The following ARMH3 variants were observed in gnomAD, a reference collection of about 807,000 sequenced individuals.
The protein encoded by ARMH3 is armadillo-like helical domain-containing protein 3.
In ARMH3, 60 loss-of-function variants were observed where a neutral mutation model predicts 99.1. The ratio of observed to expected loss-of-function variants is 0.61; its 90% CI spans 0.49 to 0.75. The LOEUF (loss-of-function observed/expected upper bound fraction) is 0.75. Among genes scored for constraint, ARMH3 ranks in the 30% least tolerant of loss-of-function variants. The pLI is 0.00. For synonymous variants in ARMH3, 285 were observed against 292.8 expected (o/e 0.97, Z 0.27); for missense variants, 679 against 843.1 (o/e 0.81, Z 2.41).
intron 22 of ARMH3, among the ~76,000 whole-genome samples, chr10:101,941,660 C>T (rs931359517): frequency 6.6e-6 from 1 of 152,092 alleles, no homozygotes; most frequent in African/African-American, 2.4e-5. Context: ...ATCAACAGTG[C>T]TGCTTTTTTA....
intron 23 of ARMH3, among the ~76,000 whole-genome samples, chr10:101,922,891 GA>G (rs1843358428): frequency 6.6e-6 from 1 of 152,146 alleles, no homozygotes; most frequent in African/African-American, 2.4e-5. Context: ...GCTTCCTTGA[GA>G]TTGAGAATTT....
chr10:101,940,635 T>C (rs1844199015), intron 22 of ARMH3, among the ~76,000 whole-genome samples: 1 of 152,128 alleles, frequency 6.6e-6, no homozygotes. Flanking sequence ...CGGTGTGTGA[T>C]GTTCCCCACC....
At chr10:101,976,406 TCTCTCTCA>T (rs1259737320) in intron 19 of ARMH3, among the ~76,000 whole-genome samples, 251 of 129,098 alleles carry the variant, frequency 1.9e-3, no homozygotes, top group South Asian at 4.3e-3. Flanking sequence ...TCTCTCTCTC[TCTCTCTCA>T]CACACACACA....
chr10:101,871,767 G>A lies in ARMH3; in HGVS notation c.1860+17645C>T, dbSNP rs1194181384. ...TGTAATCCCAGCACTTTGGGAGGCC[G>A]AGGTGGGTGGAACACTTGAGGCCAG... On this transcript the variant is annotated intron_variant, in intron 24 of 25. Coordinates refer to ENST00000370033, the MANE Select transcript of ARMH3 (RefSeq NM_024541.3). Among the ~76,000 whole-genome samples, 5 of 151,954 alleles carry A rather than the reference G, an allele frequency of 3.3e-5. No homozygotes were observed. The South Asian group carries it at 6.3e-4, about 19-fold the overall frequency.
chr10:101,891,691 G>A (rs1215768735), intron 23 of ARMH3, among the ~76,000 whole-genome samples: 1 of 152,202 alleles, frequency 6.6e-6, no homozygotes, highest in Non-Finnish European at 1.5e-5. Context: ...ACTTAGTGTT[G>A]ATACATGTAC....
intron 23 of ARMH3, among the ~76,000 whole-genome samples, chr10:101,914,588 G>T (rs1842998751): frequency 6.6e-6 from 1 of 151,566 alleles, no homozygotes; most frequent in Non-Finnish European, 1.5e-5. Context: ...AAAATGGGCT[G>T]GGTGCGGTGG....
At chr10:101,875,489 C>T (rs2067238535) in intron 24 of ARMH3, among the ~76,000 whole-genome samples, 1 of 152,190 alleles carries the variant, frequency 6.6e-6, no homozygotes, top group African/African-American at 2.4e-5. Context: ...TATACAGCCA[C>T]CCTGTATATA....
intron 15 of ARMH3, among the ~76,000 whole-genome samples, chr10:101,996,025 T>A (rs2136032580): frequency 6.6e-6 from 1 of 152,296 alleles, no homozygotes; most frequent in Non-Finnish European, 1.5e-5. Context: ...ACAACTCACA[T>A]TCTAGTTATT....
intron 23 of ARMH3, among the ~76,000 whole-genome samples, chr10:101,900,539 T>C (rs532913725): frequency 5.9e-5 from 9 of 152,334 alleles, no homozygotes; most frequent in Admixed American, 5.9e-4. Flanking sequence ...TTTTAAAAAC[T>C]GGCATGAGAC....
chr10:101,878,457 T>C (rs1199344133), intron 24 of ARMH3, among the ~76,000 whole-genome samples: 1 of 150,322 alleles, frequency 6.7e-6, no homozygotes, highest in Non-Finnish European at 1.5e-5. Flanking sequence ...CTGGGCAACA[T>C]AGTAAGACCC....
intron 22 of ARMH3, among the ~76,000 whole-genome samples, chr10:101,947,312 G>A (rs1443348828): frequency 2.0e-5 from 3 of 152,108 alleles, no homozygotes; most frequent in Admixed American, 6.6e-5. Flanking sequence ...TAGCTTCAAA[G>A]TACTTAAAGA....
Position 101,993,743 on chromosome 10 carries a change from C to G in ARMH3, c.1210-140G>C, listed in dbSNP as rs567400298. ...ACAGCTAATAGGATGAGCCTAGAGC[C>G]TTATGTCAAACCCTACTTAAGCCAT... On this transcript the variant is annotated intron_variant, in intron 16 of 25. Transcript: ENST00000370033. 1.4e-3 allele frequency: 710 copies of G among 521,996 alleles called. 13 individuals carry two copies. In the South Asian group the frequency reaches 0.017, roughly 12 times the overall value. 32.3% of individuals were successfully genotyped at this position (521,996 alleles called of 1,614,324 possible).
intron 4 of ARMH3, among the ~76,000 whole-genome samples, chr10:102,031,851 A>G (rs998390809): frequency 6.6e-6 from 1 of 151,692 alleles, no homozygotes; most frequent in Non-Finnish European, 1.5e-5. Context: ...CCATTCTCTC[A>G]CCTCAGCCTC....
intron 24 of ARMH3, among the ~76,000 whole-genome samples, chr10:101,869,349 A>C (rs1374123257): frequency 2.6e-5 from 4 of 152,214 alleles, no homozygotes; most frequent in Admixed American, 2.6e-4. Flanking sequence ...AACAAGATGG[A>C]CTGTACAATG....
At chr10:102,006,701 T>G in intron 13 of ARMH3, 68 bp from the exon 14 acceptor site, 1 of 1,431,282 alleles carries the variant, frequency 7.0e-7, no homozygotes, top group Non-Finnish European at 9.8e-7. Context: ...AAGTGCCTAA[T>G]ACCAATAAGG....
chr10:101,885,609 A>G (rs2067520636), intron 24 of ARMH3, among the ~76,000 whole-genome samples: 1 of 152,216 alleles, frequency 6.6e-6, no homozygotes. Context: ...AGTGGTTATC[A>G]GGGGCTCAGG....
At chr10:101,913,148 G>C (rs1424405272) in intron 23 of ARMH3, 1 of 147,990 alleles carries the variant, frequency 6.8e-6, no homozygotes, top group Non-Finnish European at 1.5e-5. Flanking sequence ...TCCTAGCTAA[G>C]CTTTTCTTTT....
chr10:101,928,089 A>C (rs1843578686), intron 23 of ARMH3, among the ~76,000 whole-genome samples: 1 of 152,094 alleles, frequency 6.6e-6, no homozygotes, highest in Admixed American at 6.5e-5. Context: ...TAAAATAAGA[A>C]AGAGAAAATG....
intron 20 of ARMH3, among the ~76,000 whole-genome samples, chr10:101,961,997 A>C (rs988150357): frequency 6.6e-6 from 1 of 152,208 alleles, no homozygotes; most frequent in Non-Finnish European, 1.5e-5. Context: ...AGTTTCTAAA[A>C]TGAAGTGGGG....
Sources: gnomAD v4.1 joint callset for allele counts (sites outside exome capture counted in the v4.1 genomes callset) on GRCh38, gnomAD v4.1.1 for gene constraint, MANE v1.5 for transcripts, NCBI Gene and HGNC (gene_info 2026-07-23, HGNC 2026-07-21) for gene names.